The following CCDC92B variants were observed in gnomAD, a reference collection of about 807,000 sequenced individuals.
CCDC92B encodes coiled-coil domain containing 92B.
Under a neutral mutation model 5.6 loss-of-function variants are expected in CCDC92B, and 2 were observed. That is an observed-to-expected ratio of 0.36 (90% CI 0.15 to 1.12). The LOEUF (loss-of-function observed/expected upper bound fraction) is 1.12. Among genes scored for constraint, CCDC92B ranks in the 50% most tolerant of loss-of-function variants. CCDC92B has a pLI of 0.40. For synonymous variants in CCDC92B, 115 were observed against 122.3 expected (o/e 0.94, Z 0.39); for missense variants, 271 against 262.2 (o/e 1.03, Z -0.23).
chr17:2,748,447 T>C, intron 1 of CCDC92B: 2 of 964,986 alleles, frequency 2.1e-6, no homozygotes, highest in Non-Finnish European at 2.5e-6. Context: ...TGTGTGTGTG[T>C]GTGCACGCAT....
At position 2,735,077 on chromosome 17, in the gene CCDC92B, C is replaced by T. The variant is rs2070842478; in HGVS notation, c.69G>A (p.Glu23=). ...GCAGGTCTCGCAGCAGGGCCATCTG[C>T]TCCTTTTTCAGGAAGCTGATGTGGC... ...VQRHISFLKK[E]QMALLRDLHL... is the part of the protein sequence containing the mutation. Residue 23 remains glutamate, a synonymous_variant, in exon 2 of 4, where the codon GAG becomes GAA. Coordinates refer to ENST00000614400, the MANE Select transcript of CCDC92B (RefSeq NM_001355573.2). 1.0e-6 allele frequency: 1 copy of T among 985,576 alleles called. No individual in the cohort carries two copies. The highest frequency in any genetic ancestry group is 1.2e-6 in the Non-Finnish European group (1 of 830,014). The allele number at this position is 985,576 out of a possible 1,614,324, so 61.1% of individuals were successfully genotyped here. A position where few individuals can be genotyped will look rare whatever the true frequency, so the allele number is the denominator to read the frequency against.
intron 3 of CCDC92B, among the ~76,000 whole-genome samples, chr17:2,729,039 A>AT (rs56359792): frequency 2.0e-5 from 3 of 152,046 alleles, no homozygotes; most frequent in Admixed American, 6.6e-5. Flanking sequence ...TTTTTTTAAT[A>AT]TTAAAAAAAA....
chr17:2,747,335 T>A (rs564119890), intron 1 of CCDC92B, among the ~76,000 whole-genome samples: 1 of 152,244 alleles, frequency 6.6e-6, no homozygotes, highest in African/African-American at 2.4e-5. Flanking sequence ...TAAGTATGTA[T>A]GTTTTCTTGT....
At chr17:2,740,833 G>A (rs551560654) in intron 1 of CCDC92B, among the ~76,000 whole-genome samples, 1 of 151,854 alleles carries the variant, frequency 6.6e-6, no homozygotes, top group Admixed American at 6.6e-5. Context: ...CAGGCATGGT[G>A]GCATGGGCCT....
chr17:2,740,190 T>G (rs1448050038), intron 1 of CCDC92B, among the ~76,000 whole-genome samples: 1 of 152,020 alleles, frequency 6.6e-6, no homozygotes, highest in Non-Finnish European at 1.5e-5. Context: ...ATTCCCAGCC[T>G]CTGGTATGCA....
intron 3 of CCDC92B, among the ~76,000 whole-genome samples, chr17:2,725,835 A>G (rs7208103): frequency 7.2e-4 from 110 of 151,992 alleles, no homozygotes; most frequent in African/African-American, 2.4e-3. Context: ...AAGGATAAAC[A>G]GGAGTTAAGT....
intron 3 of CCDC92B, among the ~76,000 whole-genome samples, chr17:2,726,286 T>A (rs1003451850): frequency 6.6e-6 from 1 of 151,518 alleles, no homozygotes; most frequent in Non-Finnish European, 1.5e-5. Flanking sequence ...CAAGCCATTC[T>A]CCTGCCTCAG....
intron 1 of CCDC92B, among the ~76,000 whole-genome samples, chr17:2,739,598 C>T (rs535307898): frequency 2.0e-5 from 3 of 151,070 alleles, no homozygotes; most frequent in South Asian, 2.1e-4. Flanking sequence ...AGGAGAACGG[C>T]GTGAACCCGG....
intron 1 of CCDC92B, among the ~76,000 whole-genome samples, chr17:2,735,659 A>G (rs891815282): frequency 1.3e-5 from 2 of 152,088 alleles, no homozygotes; most frequent in African/African-American, 4.8e-5. Context: ...TTGAACTCCT[A>G]ACCTCAGGAG....
At chr17:2,738,588 G>A (rs1310069839) in intron 1 of CCDC92B, among the ~76,000 whole-genome samples, 2 of 148,904 alleles carry the variant, frequency 1.3e-5, no homozygotes, top group South Asian at 2.2e-4. Context: ...GTGAAACCCC[G>A]TCTCTACTAA....
At chr17:2,738,913 A>C (rs1404356155) in intron 1 of CCDC92B, among the ~76,000 whole-genome samples, 7 of 151,106 alleles carry the variant, frequency 4.6e-5, no homozygotes, top group Non-Finnish European at 8.8e-5. Flanking sequence ...TGTACTAAAA[A>C]TACAAAAATC....
At chr17:2,748,437 TG>T (rs1383389659) in intron 1 of CCDC92B, 1 of 962,250 alleles carries the variant, frequency 1.0e-6, no homozygotes, top group Non-Finnish European at 1.2e-6. Context: ...TTGTTCTGTG[TG>T]TGTGTGTGTG....
chr17:2,741,595 CTTT>C (rs61510422), intron 1 of CCDC92B, among the ~76,000 whole-genome samples: 4 of 134,518 alleles, frequency 3.0e-5, no homozygotes, highest in Non-Finnish European at 1.6e-5. Context: ...AGGAGAATCT[CTTT>C]TTTTTTTTTT....
At chr17:2,728,550 C>T (rs1166568708) in intron 3 of CCDC92B, among the ~76,000 whole-genome samples, 1 of 151,748 alleles carries the variant, frequency 6.6e-6, no homozygotes, top group Non-Finnish European at 1.5e-5. Flanking sequence ...TTGCAGTGAG[C>T]CGAGACCGCA....
chr17:2,746,349 AAAG>A (rs1597247800), intron 1 of CCDC92B, among the ~76,000 whole-genome samples: 1 of 152,220 alleles, frequency 6.6e-6, no homozygotes, highest in East Asian at 1.9e-4. Flanking sequence ...AAAATATTAA[AAAG>A]ACCCTAACAC....
chr17:2,736,791 G>C (rs1359088837), intron 1 of CCDC92B, among the ~76,000 whole-genome samples: 2 of 150,744 alleles, frequency 1.3e-5, no homozygotes, highest in South Asian at 4.1e-4. Flanking sequence ...TGAGGCACAA[G>C]GATTGCTTGA....
chr17:2,730,870 T>C (rs553489519), intron 2 of CCDC92B, among the ~76,000 whole-genome samples: 11 of 152,332 alleles, frequency 7.2e-5, no homozygotes, highest in African/African-American at 2.2e-4. Flanking sequence ...AAAGCAGTTC[T>C]GGAGGACCCT....
rs1250733243 is a variant in CCDC92B at position 2,735,139 on chromosome 17, T to C, written c.7A>G (p.Thr3Ala). The C allele has an allele frequency of 1.0e-6, 1 of 985,606 alleles. No homozygotes were observed. Among genetic ancestry groups the C allele is most frequent in the Non-Finnish European group, 1.2e-6 (1 of 830,042 alleles). The allele number at this position is 985,606 out of a possible 1,614,324, so 61.1% of individuals were successfully genotyped here. The change falls in exon 2 of 4, where the codon ACC becomes GCC. Residue 3 changes from threonine (T) to alanine (A), a missense_variant. Transcript: ENST00000614400. MD[T>A]VSLEHQIQSV... ...TGGATCTGATGCTCCAGGGACACGG[T>C]ATCCATGGCAACCCAGGCCTGGGCC...
chr17:2,739,550 C>T (rs570105174), intron 1 of CCDC92B, among the ~76,000 whole-genome samples: 46 of 151,534 alleles, frequency 3.0e-4, no homozygotes, highest in African/African-American at 8.5e-4. Flanking sequence ...GGCGTGGTGG[C>T]GGGTGCCTGT....
Sources: gnomAD v4.1 joint callset for allele counts (sites outside exome capture counted in the v4.1 genomes callset) on GRCh38, gnomAD v4.1.1 for gene constraint, MANE v1.5 for transcripts, NCBI Gene and HGNC (gene_info 2026-07-23, HGNC 2026-07-21) for gene names.